The following LRP6 variants were observed in gnomAD, a reference collection of about 807,000 sequenced individuals.
The protein encoded by LRP6 is low-density lipoprotein receptor-related protein 6.
A neutral mutation model predicts 184.1 loss-of-function variants in LRP6; 43 were observed. The ratio of observed to expected loss-of-function variants is 0.23; its 90% CI spans 0.18 to 0.30. The LOEUF is 0.30. Ranked by LOEUF, LRP6 falls within the 10% of genes least tolerant of loss-of-function variation. The probability of loss-of-function intolerance (pLI) is 1.00; values close to 1 mark genes in which losing one functional copy is unlikely to be tolerated. For synonymous variants in LRP6, 719 were observed against 684.9 expected (o/e 1.05, Z -0.78); for missense variants, 1,571 against 2,005.3 (o/e 0.78, Z 4.14).
In LRP6 at chr12:12,243,853, T is replaced by G. The variant is rs371303333; in HGVS notation, c.449+409A>C. 8.7e-4 allele frequency among the ~76,000 whole-genome samples: 133 copies of G among 152,232 alleles called. 2 individuals are homozygous for G. The East Asian group carries it at 0.012, about 14-fold the overall frequency. On this transcript the variant is annotated intron_variant, in intron 2 of 22. Transcript: ENST00000261349. ...GCAACCTCTGCCTCCTGGGTTCAAG[T>G]GATTTTCGTGCCTCAGCCACCCGTC...
intron 7 of LRP6, among the ~76,000 whole-genome samples, chr12:12,172,543 T>C (rs1358913653): frequency 6.6e-6 from 1 of 151,860 alleles, no homozygotes; most frequent in Non-Finnish European, 1.5e-5. Flanking sequence ...TGTGCTAGAG[T>C]TGGAATGCTA....
rs181463898 is a variant in LRP6 at position 12,198,999 on chromosome 12, T to C, written c.647+4204A>G. ...GCTACACAATGCATCTCATCTACCATGTTAAAATGTGCACTAGACACAAAT... is the reference window on the plus strand; with the variant it reads ...GCTACACAATGCATCTCATCTACCACGTTAAAATGTGCACTAGACACAAAT... On this transcript the variant is annotated intron_variant, in intron 3 of 22. Coordinates refer to ENST00000261349, the MANE Select transcript of LRP6 (RefSeq NM_002336.3). Among the ~76,000 whole-genome samples, 309 of 152,296 alleles carry C rather than the reference T, an allele frequency of 2.0e-3. 2 individuals carry two copies. Among genetic ancestry groups the C allele is most frequent in the Non-Finnish European group, 7.2e-4 (49 of 68,036 alleles).
chr12:12,236,354 T>C (rs1864933067), intron 2 of LRP6, among the ~76,000 whole-genome samples: 1 of 152,234 alleles, frequency 6.6e-6, no homozygotes, highest in South Asian at 2.1e-4. Flanking sequence ...ATGACAGTTT[T>C]GGATTACAAC....
intron 9 of LRP6, among the ~76,000 whole-genome samples, chr12:12,162,710 A>C (rs1862768995): frequency 6.6e-6 from 1 of 152,220 alleles, no homozygotes; most frequent in African/African-American, 2.4e-5. Context: ...ATTTATCAGT[A>C]ATCAAGTGGA....
rs561086453 is a variant in LRP6 at position 12,192,384 on chromosome 12, A to T, written c.648-5265T>A. ...GAACAAAGATGACATAAGATAATTT[A>T]AAAAAAAAAAAACACTAAAATGTCA... On this transcript the variant is annotated intron_variant, in intron 3 of 22. Coordinates refer to ENST00000261349, the MANE Select transcript of LRP6 (RefSeq NM_002336.3). Among the ~76,000 whole-genome samples the T allele has an allele frequency of 2.4e-3, 321 of 131,324 alleles. No individual in the cohort carries two copies. In the Middle Eastern group the frequency reaches 0.052, roughly 21 times the overall value. The allele number at this position is 131,324 out of a possible 152,430, so 86.2% of individuals were successfully genotyped here. A position where few individuals can be genotyped will look rare whatever the true frequency, so the allele number is the denominator to read the frequency against.
intron 2 of LRP6, among the ~76,000 whole-genome samples, chr12:12,220,117 G>A (rs908013396): frequency 1.3e-5 from 2 of 151,992 alleles, no homozygotes; most frequent in Non-Finnish European, 2.9e-5. Flanking sequence ...GTAAAACCCT[G>A]TCTCTACTAA....
chr12:12,159,867 C>G lies in LRP6; in HGVS notation c.2377G>C (p.Ala793Pro). 1 of 1,614,116 alleles carries G rather than the reference C, an allele frequency of 6.2e-7. No homozygotes were observed. Among genetic ancestry groups the G allele is most frequent in the Non-Finnish European group, 8.5e-7 (1 of 1,179,994 alleles). ...RTTLVPNVGR[A>P]NGLTIDYAKR... ...GCATAATCAATAGTTAGGCCGTTTG[C>G]CCGCCCCACATTTGGAACTAAGGTA... Residue 793 changes from alanine to proline, a missense_variant, in exon 11 of 23, where the codon GCA (alanine) becomes CCA (proline). This residue lies in a region of LRP6 where 158 missense variants were observed against 258.4 expected (regional missense o/e 0.61). Coordinates refer to ENST00000261349, the MANE Select transcript of LRP6 (RefSeq NM_002336.3).
In LRP6 at chr12:12,162,440, CT is replaced by C. The variant is rs745859860; in HGVS notation, c.2053-22del. 1.9e-6 allele frequency: 3 copies of C among 1,586,260 alleles called. No homozygotes were observed. The South Asian group carries it at 3.3e-5, about 18-fold the overall frequency. ...ATGGTCTGCAAAAGAACATTAACAA[CT>C]AAGTCATATGGCATAAGTCTAAACC... On this transcript the variant is annotated intron_variant, in intron 9 of 22. Coordinates refer to ENST00000261349, the MANE Select transcript of LRP6 (RefSeq NM_002336.3).
Position 12,165,278 on chromosome 12 carries a change from G to T in LRP6, c.1563C>A (p.Gly521=). The part of the protein sequence containing the change: ...TDKIEVMNTD[G]TGRRVLVEDK... ...CTTCCACTAGTACTCGTCTCCCAGT[G>T]CCATCAGTATTCATAACCTTCAGGT... The change falls in exon 8 of 23, where the codon GGC becomes GGA. Residue 521 remains glycine, a synonymous_variant. Coordinates refer to ENST00000261349, the MANE Select transcript of LRP6 (RefSeq NM_002336.3). The T allele has an allele frequency of 1.2e-6, 2 of 1,612,382 alleles. No individual in the cohort carries two copies. The highest frequency in any genetic ancestry group is 1.7e-6 in the Non-Finnish European group (2 of 1,178,628).
intron 2 of LRP6, among the ~76,000 whole-genome samples, chr12:12,240,662 G>C (rs1865041689): frequency 6.6e-6 from 1 of 151,976 alleles, no homozygotes; most frequent in South Asian, 2.1e-4. Context: ...ACTTCAAATT[G>C]AATCATTAAA....
intron 7 of LRP6, among the ~76,000 whole-genome samples, chr12:12,169,485 A>T (rs942894368): frequency 3.9e-5 from 6 of 152,220 alleles, no homozygotes; most frequent in African/African-American, 1.4e-4. Context: ...TCTAGATACA[A>T]GCAAGGGTCT....
At chr12:12,164,936 AAAAAAAAAAAAAAAAAAAAGGC>A in intron 8 of LRP6, 121 bp downstream of exon 8, 1 of 335,090 alleles carries the variant, frequency 3.0e-6, no homozygotes, top group Non-Finnish European at 5.5e-6. Context: ...AAAAAAAAAA[AAAAAAAAAAAAAAAAAAAAGGC>A]GGGGGGGCAG....
intron 9 of LRP6, 145 bp downstream of exon 9, chr12:12,164,128 T>TTAAAA: frequency 1.7e-6 from 1 of 605,818 alleles, no homozygotes; most frequent in Non-Finnish European, 2.7e-6. Flanking sequence ...AGACACCGTT[T>TTAAAA]AAAAAAAAAA....
intron 20 of LRP6, among the ~76,000 whole-genome samples, chr12:12,126,409 A>AT (rs879264539): frequency 3.9e-5 from 6 of 152,212 alleles, no homozygotes; most frequent in Non-Finnish European, 8.8e-5. Context: ...TGACTGGCTG[A>AT]TTCACCTTCC....
chr12:12,240,519 C>T (rs1203798082), intron 2 of LRP6, among the ~76,000 whole-genome samples: 1 of 152,032 alleles, frequency 6.6e-6, no homozygotes, highest in African/African-American at 2.4e-5. Flanking sequence ...TTGCAGTGAG[C>T]CAAGATCGCG....
chr12:12,214,168 T>C (rs1864282064), intron 2 of LRP6, among the ~76,000 whole-genome samples: 1 of 152,100 alleles, frequency 6.6e-6, no homozygotes, highest in Non-Finnish European at 1.5e-5. Flanking sequence ...AAACACATTT[T>C]CAAAAATATG....
intron 2 of LRP6, among the ~76,000 whole-genome samples, chr12:12,242,071 T>C (rs974853489): frequency 4.6e-5 from 7 of 152,200 alleles, no homozygotes; most frequent in Admixed American, 1.3e-4. Flanking sequence ...AGAGGAACTA[T>C]ATACATTCAG....
At chr12:12,235,449 G>A (rs1018050226) in intron 2 of LRP6, among the ~76,000 whole-genome samples, 1 of 152,122 alleles carries the variant, frequency 6.6e-6, no homozygotes, top group Non-Finnish European at 1.5e-5. Flanking sequence ...AGAAAATACA[G>A]CCGGGAGCAG....
intron 7 of LRP6, among the ~76,000 whole-genome samples, chr12:12,177,281 T>A (rs1419472883): frequency 6.6e-6 from 1 of 152,092 alleles, no homozygotes; most frequent in Admixed American, 6.5e-5. Flanking sequence ...CTAAGGAAAA[T>A]GGGACTAGAA....
Sources: allele counts gnomAD v4.1 joint callset (sites outside exome capture counted in the v4.1 genomes callset), GRCh38; gene constraint gnomAD v4.1.1; regional missense constraint gnomAD v4.1.1; transcripts MANE v1.5; gene names NCBI Gene and HGNC (gene_info 2026-07-23, HGNC 2026-07-21).